Variants in TECTA observed in about 807,000 individuals in gnomAD.
TECTA encodes tectorin alpha.
TECTA carries 128 observed loss-of-function variants against 216.8 expected under a neutral mutation model. That is an observed-to-expected ratio of 0.59 (90% confidence interval 0.51 to 0.68). The LOEUF is 0.68. TECTA is among the 30% of genes least tolerant of loss of function. The pLI, the probability that TECTA is intolerant of heterozygous loss-of-function variation, is 0.00. For missense variants in TECTA, 2,551 were observed against 2,786.2 expected, an observed-to-expected ratio of 0.92 and a Z score of 1.90; for synonymous variants, 1,089 against 1,117.1, an observed-to-expected ratio of 0.97 and a Z score of 0.50.
chr11:121,174,139 G>A (rs937379459), intron 20 of TECTA, among the ~76,000 whole-genome samples: 2 of 152,116 alleles, frequency 1.3e-5, no homozygotes, highest in African/African-American at 2.4e-5. Context: ...TCTGCAAACA[G>A]GGACAATTTG....
chr11:121,154,039 G>C (rs1946918587), intron 13 of TECTA, among the ~76,000 whole-genome samples: 1 of 152,164 alleles, frequency 6.6e-6, no homozygotes, highest in Non-Finnish European at 1.5e-5. Context: ...ATTCAGAAGA[G>C]AGAAACAATG....
chr11:121,101,955 C>G (rs1422409004), intron 1 of TECTA, among the ~76,000 whole-genome samples: 1 of 152,204 alleles, frequency 6.6e-6, no homozygotes, highest in Non-Finnish European at 1.5e-5. Flanking sequence ...TGTGTTCCTT[C>G]TTTAATTAAC....
At chr11:121,152,242 C>T (rs1946897562) in intron 12 of TECTA, among the ~76,000 whole-genome samples, 1 of 152,248 alleles carries the variant, frequency 6.6e-6, no homozygotes, top group Non-Finnish European at 1.5e-5. Context: ...CCCATGCATG[C>T]CAGCACGTGT....
At chr11:121,114,432 T>C (rs964765618) in intron 6 of TECTA, among the ~76,000 whole-genome samples, 109 of 152,236 alleles carry the variant, frequency 7.2e-4, no homozygotes, top group Non-Finnish European at 1.5e-3. Context: ...TCCTGGTTTA[T>C]GAATTCCTGC....
chr11:121,135,936 ATCCC>A (rs1304156944), intron 10 of TECTA, among the ~76,000 whole-genome samples: 3 of 149,894 alleles, frequency 2.0e-5, no homozygotes, highest in Non-Finnish European at 3.0e-5. Context: ...CATGGTGAGT[ATCCC>A]GTGGTATTAT....
chr11:121,109,738 T>TA (rs3216095), intron 4 of TECTA: 209 of 509,262 alleles, frequency 4.1e-4, no homozygotes, highest in African/African-American at 9.5e-4. Flanking sequence ...CACTAATGCC[T>TA]AAAAAAAAAC....
rs1565531407 is a variant in TECTA, at chr11:121,152,924, T to A, written c.4149T>A (p.Ser1383Arg). 3.1e-6 allele frequency: 5 copies of A among 1,611,442 alleles called. No individual in the cohort carries two copies. Among genetic ancestry groups the A allele is most frequent in the Non-Finnish European group, 4.2e-6 (5 of 1,177,890 alleles). ...PPNSHYESCV[S>R]VCQPRCAAIR... ...ACAGCCATTACGAGAGCTGCGTGAGTGTCTGCCAGCCCCGCTGCGCCGCCA... is the reference window on the plus strand; with the variant it reads ...ACAGCCATTACGAGAGCTGCGTGAGAGTCTGCCAGCCCCGCTGCGCCGCCA... The change falls in exon 13 of 24, where the codon AGT (serine) becomes AGA (arginine). Residue 1383 changes from serine to arginine, a missense_variant. By Grantham distance (110) the Ser-to-Arg change is moderately radical. This residue lies in a region of TECTA where 2,375 missense variants were observed against 2,563.9 expected (regional missense o/e 0.93). Transcript: ENST00000392793.
At chr11:121,107,268 A>T (rs73599469) in intron 3 of TECTA, among the ~76,000 whole-genome samples, 3,445 of 152,278 alleles carry the variant, frequency 0.023, 132 homozygotes, top group African/African-American at 0.078. Flanking sequence ...TCTCTATTGC[A>T]CTGTGTGATA....
chr11:121,141,577 G>A (rs1946784496), intron 11 of TECTA, among the ~76,000 whole-genome samples: 1 of 152,222 alleles, frequency 6.6e-6, no homozygotes, highest in Non-Finnish European at 1.5e-5. Flanking sequence ...TCCACAGCCA[G>A]GGCTCAACAG....
chr11:121,124,130 C>A (rs901122421), intron 7 of TECTA, among the ~76,000 whole-genome samples: 6 of 152,216 alleles, frequency 3.9e-5, no homozygotes, highest in African/African-American at 1.4e-4. Context: ...ACTCATCTGA[C>A]ATGAGTTTTA....
intron 9 of TECTA, 76 bp from the exon 10 acceptor site, chr11:121,129,562 T>C (rs1946649712): frequency 1.3e-6 from 2 of 1,487,724 alleles, no homozygotes; most frequent in Non-Finnish European, 1.9e-6. Flanking sequence ...GCAGACCGTG[T>C]CTTTATCCCA....
chr11:121,103,819 A>G (rs1299439797), intron 2 of TECTA, among the ~76,000 whole-genome samples: 1 of 152,182 alleles, frequency 6.6e-6, no homozygotes, highest in Non-Finnish European at 1.5e-5. Context: ...ATTATTTACC[A>G]TATTAGATAT....
At chr11:121,190,574 G>A (rs2134218489) in intron 23 of TECTA, 132 bp from the exon 24 acceptor site, 1 of 718,246 alleles carries the variant, frequency 1.4e-6, no homozygotes. Context: ...GCTGCCTTAG[G>A]GCCATTTAGG....
At chr11:121,148,445 G>A (rs1946860685) in intron 12 of TECTA, among the ~76,000 whole-genome samples, 1 of 152,092 alleles carries the variant, frequency 6.6e-6, no homozygotes, top group South Asian at 2.1e-4. Context: ...GTCAGGCTGG[G>A]GGAGAGGGTG....
rs145131201 is a variant in TECTA at position 121,154,293 on chromosome 11, C to A, written c.4305+1213C>A. 5.8e-3 allele frequency among the ~76,000 whole-genome samples: 889 copies of A among 152,284 alleles called. 10 individuals carry two copies. Among genetic ancestry groups the A allele is most frequent in the African/African-American group, 0.02 (841 of 41,548 alleles). ...ATAAAAGAAATGTGGACATTACCCT[C>A]AATTTCACTTTCAGTGGAGAATTTA... On this transcript the variant is annotated intron_variant, in intron 13 of 23. Transcript: ENST00000392793.
chr11:121,116,309 T>C (rs1946501281), intron 6 of TECTA, among the ~76,000 whole-genome samples: 1 of 152,184 alleles, frequency 6.6e-6, no homozygotes, highest in Non-Finnish European at 1.5e-5. Context: ...CTGTATAGCC[T>C]GGACCAGGGG....
intron 15 of TECTA, among the ~76,000 whole-genome samples, chr11:121,161,135 T>G (rs1310925285): frequency 6.6e-6 from 1 of 152,186 alleles, no homozygotes; most frequent in Non-Finnish European, 1.5e-5. Context: ...GAAATCACAC[T>G]TTAAGCCTCT....
At chr11:121,150,286 A>G (rs1946877044) in intron 12 of TECTA, among the ~76,000 whole-genome samples, 1 of 152,256 alleles carries the variant, frequency 6.6e-6, no homozygotes. Flanking sequence ...AAGTAGTAAA[A>G]GGTCAAAGGG....
rs768569212 is a variant in TECTA, at chr11:121,137,981, T to A, written c.3502T>A (p.Tyr1168Asn). 1 of 1,613,450 alleles carries A rather than the reference T, an allele frequency of 6.2e-7. No homozygotes were observed. The highest frequency in any genetic ancestry group is 8.5e-7 in the Non-Finnish European group (1 of 1,179,534). Residue 1168 changes from tyrosine (Y) to asparagine (N), a missense_variant, in exon 11 of 24, where the codon TAC becomes AAC. By Grantham distance (143) the Tyr-to-Asn change is moderately radical (BLOSUM62 -2). Coordinates refer to ENST00000392793, the MANE Select transcript of TECTA (RefSeq NM_005422.4). ...VKQVDVTVFG[Y>N]SIVIHRAYKH... Reference sequence around the variant, plus strand: ...GCAGGTGGACGTGACCGTGTTTGGCTACAGCATCGTGATCCACCGAGCTTA... The same window carrying A: ...GCAGGTGGACGTGACCGTGTTTGGCAACAGCATCGTGATCCACCGAGCTTA...
Sources: allele counts gnomAD v4.1 joint callset (sites outside exome capture counted in the v4.1 genomes callset), GRCh38; gene constraint gnomAD v4.1.1; regional missense constraint gnomAD v4.1.1; transcripts MANE v1.5; gene names NCBI Gene and HGNC (gene_info 2026-07-23, HGNC 2026-07-21).